TTC7B: variants seen among roughly 807,000 people sequenced by gnomAD.
The protein encoded by TTC7B is tetratricopeptide repeat domain 7B.
A neutral mutation model predicts 106.8 loss-of-function variants in TTC7B; 28 were observed. The ratio of observed to expected loss-of-function variants is 0.26; its 90% CI spans 0.19 to 0.36. The LOEUF (loss-of-function observed/expected upper bound fraction) is 0.36. Ranked by LOEUF, TTC7B falls within the 10% of genes least tolerant of loss-of-function variation. The pLI, the probability that TTC7B is intolerant of heterozygous loss-of-function variation, is 1.00. For missense variants in TTC7B, 862 were observed against 1,076.4 expected (o/e 0.80, Z 2.79); for synonymous variants, 405 against 430.6 (o/e 0.94, Z 0.74).
rs966516141 is a variant in TTC7B, at chr14:90,802,915, C to T, written c.121+13260G>A. On this transcript the variant is annotated intron_variant, in intron 1 of 19. Transcript: ENST00000328459. The surrounding 1 kb of genome is among the most constrained non-coding windows in gnomAD (Gnocchi z 4.7). ...CAGCACTTTGGGAGGCCGAAGCAGG[C>T]GGATCACCTAAGGTCAGAAGTTCGA... Among the ~76,000 whole-genome samples the T allele has an allele frequency of 1.3e-5, 2 of 150,550 alleles. No homozygotes were observed. The highest frequency in any genetic ancestry group is 3.0e-5 in the Non-Finnish European group (2 of 67,768).
intron 19 of TTC7B, chr14:90,567,402 A>C (rs1595165093): frequency 6.6e-6 from 1 of 152,202 alleles, no homozygotes; most frequent in East Asian, 1.9e-4. Context: ...ACTTCTTTCT[A>C]GTGGAGAGCG....
At chr14:90,806,258 T>C (rs2030600321) in intron 1 of TTC7B, among the ~76,000 whole-genome samples, 1 of 152,232 alleles carries the variant, frequency 6.6e-6, no homozygotes, top group Non-Finnish European at 1.5e-5. Flanking sequence ...AAGCACTGAA[T>C]GAACGGCTGG....
intron 19 of TTC7B, among the ~76,000 whole-genome samples, chr14:90,549,180 T>C (rs1016629834): frequency 4.0e-5 from 6 of 151,634 alleles, no homozygotes; most frequent in Non-Finnish European, 8.8e-5. Flanking sequence ...CCACCGCTCA[T>C]TGCAGCTGGT....
intron 4 of TTC7B, among the ~76,000 whole-genome samples, chr14:90,739,933 G>A (rs538504588): frequency 2.6e-5 from 4 of 152,314 alleles, no homozygotes; most frequent in African/African-American, 7.2e-5. Flanking sequence ...TTTATTTACT[G>A]TTGGCACAAT....
chr14:90,697,739 T>A (rs1005428296), intron 5 of TTC7B: 2 of 152,110 alleles, frequency 1.3e-5, no homozygotes, highest in African/African-American at 2.4e-5. Context: ...TGCAAGACGG[T>A]TTCTCCCATG....
At chr14:90,756,354 GTTTTA>G (rs1285556733) in intron 3 of TTC7B, among the ~76,000 whole-genome samples, 6 of 145,640 alleles carry the variant, frequency 4.1e-5, no homozygotes, top group Non-Finnish European at 9.1e-5. Flanking sequence ...AGAGAAAGAT[GTTTTA>G]TTTTATTTTC....
At chr14:90,641,630 AG>A (rs1885176325) in intron 15 of TTC7B, among the ~76,000 whole-genome samples, 1 of 152,254 alleles carries the variant, frequency 6.6e-6, no homozygotes, top group South Asian at 2.1e-4. Flanking sequence ...AAAGCAAACA[AG>A]TCACGGACTG....
At chr14:90,612,973 C>A (rs543920764) in intron 16 of TTC7B, among the ~76,000 whole-genome samples, 1 of 152,344 alleles carries the variant, frequency 6.6e-6, no homozygotes, top group South Asian at 2.1e-4. Context: ...TTCCCTCCAC[C>A]AGCTGGGAAA....
intron 13 of TTC7B, 184 bp from the exon 14 acceptor site, chr14:90,647,207 AC>A: frequency 1.7e-6 from 1 of 591,700 alleles, no homozygotes; most frequent in East Asian, 2.9e-5. Context: ...CCCTCTTACC[AC>A]TGTATAAAGG....
chr14:90,715,855 A>G (rs575335201), intron 5 of TTC7B, among the ~76,000 whole-genome samples: 123 of 152,308 alleles, frequency 8.1e-4, no homozygotes, highest in African/African-American at 2.8e-3. Context: ...CCAAATGTTA[A>G]TTCTTCTAAG....
intron 19 of TTC7B, among the ~76,000 whole-genome samples, chr14:90,576,316 A>G (rs1435763748): frequency 1.3e-5 from 2 of 152,196 alleles, no homozygotes; most frequent in Admixed American, 6.5e-5. Context: ...TTCCTCTTCT[A>G]ATAGTGAGAA....
chr14:90,724,774 A>G (rs572048066), intron 5 of TTC7B, among the ~76,000 whole-genome samples: 1 of 152,328 alleles, frequency 6.6e-6, no homozygotes, highest in South Asian at 2.1e-4. Context: ...CTTTATAGCA[A>G]TGAGAGAACG....
At chr14:90,781,996 G>C (rs1356710071) in intron 2 of TTC7B, among the ~76,000 whole-genome samples, 1 of 152,208 alleles carries the variant, frequency 6.6e-6, no homozygotes, top group African/African-American at 2.4e-5. Flanking sequence ...TCAAAGCTGA[G>C]GTTTTTGCTT....
At chr14:90,695,726 G>T in intron 5 of TTC7B, 148 bp from the exon 6 acceptor site, 1 of 391,586 alleles carries the variant, frequency 2.6e-6, no homozygotes, top group Non-Finnish European at 4.5e-6. Context: ...AGCCATCTTT[G>T]GTTAAATGAA....
chr14:90,599,159 G>A (rs561132744), intron 17 of TTC7B, among the ~76,000 whole-genome samples: 14 of 151,078 alleles, frequency 9.3e-5, no homozygotes, highest in African/African-American at 3.2e-4. Context: ...AAAAAGAGAA[G>A]AAAAAGACAA....
intron 17 of TTC7B, among the ~76,000 whole-genome samples, chr14:90,606,797 C>T (rs748318472): frequency 5.9e-5 from 9 of 152,218 alleles, no homozygotes; most frequent in South Asian, 4.1e-4. Context: ...AGCTTATGGA[C>T]GTGGGTGACT....
rs1178481386 is a variant in TTC7B, at chr14:90,600,901, T to C, written c.1967-7275A>G. Among the ~76,000 whole-genome samples the C allele has an allele frequency of 6.6e-6, 1 of 152,166 alleles. No individual in the cohort carries two copies. The highest frequency in any genetic ancestry group is 2.4e-5 in the African/African-American group (1 of 41,442). On this transcript the variant is annotated intron_variant, in intron 17 of 19. Coordinates refer to ENST00000328459, the MANE Select transcript of TTC7B (RefSeq NM_001010854.2). This position sits in a 1 kb window ranked among gnomAD's most constrained non-coding sequence, Gnocchi z 4.3. Reference sequence around the variant, plus strand: ...CTGAACCCTCCCTGATGCATATTCATGAGGCTGTGTCTTGGGGTGGAAGTG... The same window carrying C: ...CTGAACCCTCCCTGATGCATATTCACGAGGCTGTGTCTTGGGGTGGAAGTG...
chr14:90,816,162 G>T lies in TTC7B; in HGVS notation c.121+13C>A, dbSNP rs376950995. The T allele has an allele frequency of 2.2e-4, 266 of 1,225,042 alleles. 1 individual carries two copies. The highest frequency in any genetic ancestry group is 1.5e-3 in the Middle Eastern group (6 of 3,918). 75.9% of individuals were successfully genotyped at this position (1,225,042 alleles called of 1,614,324 possible). A position where few individuals can be genotyped will look rare whatever the true frequency, so the allele number is the denominator to read the frequency against. On this transcript the variant is annotated intron_variant, in intron 1 of 19. Transcript: ENST00000328459. ...CGCCCCCCGCAGCCCAGGCCGGCGC[G>T]CCCGGAGCGTACCGTTGGCGATGAG...
intron 19 of TTC7B, among the ~76,000 whole-genome samples, chr14:90,568,151 G>A (rs918242794): frequency 2.6e-5 from 4 of 152,196 alleles, no homozygotes; most frequent in Non-Finnish European, 4.4e-5. Context: ...AGAGGCAGGC[G>A]GTGTGGGGGA....
Sources: allele counts gnomAD v4.1 joint callset (sites outside exome capture counted in the v4.1 genomes callset), GRCh38; gene constraint gnomAD v4.1.1; non-coding constraint Gnocchi (gnomAD v3.1); transcripts MANE v1.5; gene names NCBI Gene and HGNC (gene_info 2026-07-23, HGNC 2026-07-21).